RYK: variants seen among roughly 807,000 people sequenced by gnomAD.
RYK encodes the protein inactive tyrosine-protein kinase RYK.
RYK carries 21 observed loss-of-function variants against 70.2 expected under a neutral mutation model. The ratio of observed to expected loss-of-function variants is 0.30; its 90% CI spans 0.21 to 0.43. The LOEUF is 0.43. RYK is among the 20% of genes least tolerant of loss of function. The pLI is 1.00. For missense variants in RYK, 604 were observed against 753.3 expected (o/e 0.80, Z 2.32); for synonymous variants, 267 against 278.0 (o/e 0.96, Z 0.39).
chr3:134,175,646 C>G lies in RYK; in HGVS notation c.1538G>C (p.Ser513Thr). Residue 513 changes from serine to threonine, a missense_variant, in exon 13 of 15, where the codon AGT (serine) becomes ACT (threonine). Around this residue, in one of 2 missense-constraint regions of RYK, gnomAD observed 138 missense variants for 217.4 expected, o/e 0.63. Transcript: ENST00000623711. ...NRPVRWMALESLVNNEFSSAS... is the reference protein window; with the variant it reads ...NRPVRWMALETLVNNEFSSAS... ...GCTAGAGAACTCGTTATTAACCAGACTTTCAAGAGCCATCCAACGAACTGG... is the reference window on the plus strand; with the variant it reads ...GCTAGAGAACTCGTTATTAACCAGAGTTTCAAGAGCCATCCAACGAACTGG... The G allele has an allele frequency of 6.2e-7, 1 of 1,613,996 alleles. No individual in the cohort carries two copies. Among genetic ancestry groups the G allele is most frequent in the South Asian group, 1.1e-5 (1 of 91,082 alleles).
intron 9 of RYK, among the ~76,000 whole-genome samples, chr3:134,188,155 A>G (rs2013528661): frequency 2.1e-5 from 1 of 46,814 alleles, no homozygotes; most frequent in Non-Finnish European, 7.8e-5. Flanking sequence ...CTAACAATAT[A>G]TATATATATA....
chr3:134,180,875 T>A (rs887727595), intron 10 of RYK: 4 of 152,230 alleles, frequency 2.6e-5, no homozygotes, highest in Non-Finnish European at 4.4e-5. Context: ...AAGGACTGAA[T>A]GCTCAGTATC....
At chr3:134,224,073 C>T (rs1480356386) in intron 1 of RYK, among the ~76,000 whole-genome samples, 1 of 152,182 alleles carries the variant, frequency 6.6e-6, no homozygotes, top group African/African-American at 2.4e-5. Flanking sequence ...GGTTTTTCTC[C>T]TTGTGTGCGG....
At chr3:134,176,167 A>G (rs2013093384) in intron 11 of RYK, 128 bp from the exon 12 acceptor site, 1 of 645,586 alleles carries the variant, frequency 1.5e-6, no homozygotes, top group Admixed American at 2.8e-5. Context: ...AGAATTTTTA[A>G]AAGCTATTTC....
At chr3:134,241,172 CAA>C (rs34101853) in intron 1 of RYK, among the ~76,000 whole-genome samples, 14 of 118,082 alleles carry the variant, frequency 1.2e-4, no homozygotes, top group Admixed American at 2.7e-4. Flanking sequence ...CCATCTCTAC[CAA>C]AAAAAAAAAA....
intron 1 of RYK, among the ~76,000 whole-genome samples, chr3:134,223,298 T>C (rs2014795277): frequency 6.6e-6 from 1 of 152,206 alleles, no homozygotes; most frequent in African/African-American, 2.4e-5. Flanking sequence ...CCAGGGCACA[T>C]ACAATCTTCC....
chr3:134,224,727 C>T (rs2014850360), intron 1 of RYK, among the ~76,000 whole-genome samples: 1 of 152,344 alleles, frequency 6.6e-6, no homozygotes, highest in East Asian at 1.9e-4. Flanking sequence ...TACCGCTAGA[C>T]CAAGGAGCCC....
chr3:134,208,995 G>C (rs1330832073), intron 4 of RYK, among the ~76,000 whole-genome samples: 1 of 151,974 alleles, frequency 6.6e-6, no homozygotes, highest in African/African-American at 2.4e-5. Context: ...CTGTAGCTTT[G>C]TGGAACTTAC....
At chr3:134,202,631 C>A in intron 6 of RYK, 99 bp downstream of exon 6, 1 of 973,274 alleles carries the variant, frequency 1.0e-6, no homozygotes, top group East Asian at 2.9e-5. Context: ...ATCATCCTCC[C>A]TCCTTTCCCT....
At chr3:134,183,230 G>A (rs1373390642) in intron 9 of RYK, 159 bp from the exon 10 acceptor site, 2 of 412,298 alleles carry the variant, frequency 4.9e-6, no homozygotes, top group Non-Finnish European at 8.6e-6. Context: ...AAATTCTACT[G>A]CAGTCTCATT....
At position 134,195,069 on chromosome 3, in the gene RYK, A is replaced by C. The variant is rs1234181565; in HGVS notation, c.889+13T>G. 1.3e-6 allele frequency: 2 copies of C among 1,585,242 alleles called. No individual in the cohort carries two copies. Among genetic ancestry groups the C allele is most frequent in the Admixed American group, 3.3e-5 (2 of 59,950 alleles). ...CTTGAGTAAACTGGCTTTAGAATTA[A>C]ATTAACTCTTACTGGTGATAGGAGT... On this transcript the variant is annotated intron_variant, in intron 7 of 14. Transcript: ENST00000623711.
At chr3:134,199,816 G>C (rs375569860) in intron 6 of RYK, among the ~76,000 whole-genome samples, 1 of 152,022 alleles carries the variant, frequency 6.6e-6, no homozygotes, top group Non-Finnish European at 1.5e-5. Flanking sequence ...GTGGGGACTT[G>C]GACAACTTTT....
chr3:134,192,911 C>G (rs1040690738), intron 7 of RYK, among the ~76,000 whole-genome samples: 1 of 152,106 alleles, frequency 6.6e-6, no homozygotes, highest in Non-Finnish European at 1.5e-5. Context: ...TTAATTCTAC[C>G]TGGAGTTCTC....
intron 1 of RYK, among the ~76,000 whole-genome samples, chr3:134,227,895 G>A (rs546500894): frequency 5.9e-5 from 9 of 152,090 alleles, no homozygotes; most frequent in Non-Finnish European, 8.8e-5. Flanking sequence ...GGATAGTCTC[G>A]ATCTCCTGAC....
chr3:134,186,747 TC>T (rs2013478529), intron 9 of RYK, among the ~76,000 whole-genome samples: 1 of 152,146 alleles, frequency 6.6e-6, no homozygotes, highest in East Asian at 1.9e-4. Context: ...TCCTTTTATC[TC>T]CCCTTCCAAC....
intron 9 of RYK, 89 bp downstream of exon 9, chr3:134,188,748 C>T (rs1560008931): frequency 1.3e-6 from 1 of 752,396 alleles, no homozygotes; most frequent in Non-Finnish European, 2.3e-6. Flanking sequence ...AGGTCTGGCA[C>T]ACATTGGGAA....
In RYK at chr3:134,207,532, T is replaced by G; in HGVS notation, c.590-7A>C. The G allele has an allele frequency of 6.6e-7, 1 of 1,525,220 alleles. No homozygotes were observed. Among genetic ancestry groups the G allele is most frequent in the South Asian group, 1.2e-5 (1 of 80,636 alleles). The allele number at this position is 1,525,220 out of a possible 1,614,324, so 94.5% of individuals were successfully genotyped here. ...GTTTTTACTTCTTCAAGTTCTGAAT[T>G]TAAAGGAGAAAAATGATGCTTTAGA... On this transcript the variant is annotated splice_polypyrimidine_tract_variant and splice_region_variant and intron_variant, in intron 4 of 14. Transcript: ENST00000623711.
intron 1 of RYK, among the ~76,000 whole-genome samples, chr3:134,241,068 C>A (rs2015311598): frequency 6.6e-6 from 1 of 151,550 alleles, no homozygotes; most frequent in South Asian, 2.1e-4. Flanking sequence ...CACCTGTAAT[C>A]CCAGCACTTT....
At chr3:134,241,818 A>C (rs987341518) in intron 1 of RYK, among the ~76,000 whole-genome samples, 12 of 152,216 alleles carry the variant, frequency 7.9e-5, no homozygotes, top group Non-Finnish European at 8.8e-5. Flanking sequence ...TCAGCATCTC[A>C]GCTTTATCTG....
Sources: gnomAD v4.1 joint callset for allele counts (sites outside exome capture counted in the v4.1 genomes callset) on GRCh38, gnomAD v4.1.1 for gene constraint, gnomAD v4.1.1 regional missense constraint, MANE v1.5 for transcripts, NCBI Gene and HGNC (gene_info 2026-07-23, HGNC 2026-07-21) for gene names.